Variants in PTPRE observed in about 807,000 individuals in gnomAD.
PTPRE encodes the protein protein tyrosine phosphatase receptor type E.
A neutral mutation model predicts 102.0 loss-of-function variants in PTPRE; 51 were observed. The ratio of observed to expected loss-of-function variants is 0.50; its 90% confidence interval spans 0.40 to 0.63. PTPRE has a LOEUF of 0.63. Ranked by LOEUF, PTPRE falls within the 30% of genes least tolerant of loss-of-function variation. The pLI, the probability that PTPRE is intolerant of heterozygous loss-of-function variation, is 0.00. For missense variants in PTPRE, 752 were observed against 915.1 expected, an observed-to-expected ratio of 0.82 and a Z score of 2.30; for synonymous variants, 345 against 348.2, an observed-to-expected ratio of 0.99 and a Z score of 0.10.
intron 2 of PTPRE, among the ~76,000 whole-genome samples, chr10:127,985,175 C>A (rs981193183): frequency 6.6e-6 from 1 of 152,244 alleles, no homozygotes; most frequent in Admixed American, 6.5e-5. Context: ...CCTAGTCACA[C>A]GTGCTGGATG....
At chr10:128,013,281 C>CTCCGAAGTCGT (rs1845160727) in intron 2 of PTPRE, among the ~76,000 whole-genome samples, 2 of 152,156 alleles carry the variant, frequency 1.3e-5, no homozygotes, top group African/African-American at 4.8e-5. Context: ...AGAGAGTGTT[C>CTCCGAAGTCGT]TCCGAAGTCG....
intron 2 of PTPRE, among the ~76,000 whole-genome samples, chr10:128,038,843 G>A (rs1324791413): frequency 1.3e-5 from 2 of 152,142 alleles, no homozygotes; most frequent in Non-Finnish European, 2.9e-5. Flanking sequence ...ACAGACCCGG[G>A]CTCCAGCTGG....
At chr10:127,951,726 A>G (rs1849041631) in intron 1 of PTPRE, among the ~76,000 whole-genome samples, 1 of 152,218 alleles carries the variant, frequency 6.6e-6, no homozygotes, top group Non-Finnish European at 1.5e-5. Flanking sequence ...TGCTATCTCT[A>G]CCTACAAAAA....
At chr10:127,975,880 G>A (rs939945272) in intron 1 of PTPRE, among the ~76,000 whole-genome samples, 6 of 152,146 alleles carry the variant, frequency 3.9e-5, no homozygotes, top group African/African-American at 9.7e-5. Flanking sequence ...CCAGTGTGGG[G>A]AGTCCTTGTG....
Position 128,072,130 on chromosome 10 carries a change from C to G in PTPRE, c.1388-8C>G. ...TTGTAATAACTAAAGGAAGATAATG[C>G]TTTGCAGATGACTTCAACCGAGTGA... is the stretch of plus-strand genomic sequence containing the variant. On this transcript the variant is annotated splice_region_variant and splice_polypyrimidine_tract_variant and intron_variant, in intron 15 of 20. Coordinates refer to ENST00000254667, the MANE Select transcript of PTPRE (RefSeq NM_006504.6). 6.2e-7 allele frequency: 1 copy of G among 1,612,536 alleles called. No homozygotes were observed. The highest frequency in any genetic ancestry group is 8.5e-7 in the Non-Finnish European group (1 of 1,178,954).
intron 2 of PTPRE, among the ~76,000 whole-genome samples, chr10:128,003,781 C>A (rs1045632111): frequency 6.6e-6 from 1 of 151,978 alleles, no homozygotes; most frequent in Non-Finnish European, 1.5e-5. Flanking sequence ...CACAATGGGG[C>A]CCGCAGACTG....
Position 127,908,209 on chromosome 10 carries a change from A to C in PTPRE, c.-31+900A>C, listed in dbSNP as rs993524745. 4.6e-5 allele frequency among the ~76,000 whole-genome samples: 7 copies of C among 152,336 alleles called. 1 individual carries two copies. The highest frequency in any genetic ancestry group is 3.4e-3 in the Middle Eastern group (1 of 294). ...TCCAGGAAACTCAAAGAAAGAATAC[A>C]GCTCTCTGCTTGTATTTTAGAGTGA... On this transcript the variant is annotated intron_variant, in intron 1 of 20. Transcript: ENST00000254667.
intron 1 of PTPRE, among the ~76,000 whole-genome samples, chr10:127,950,396 T>C (rs1229421914): frequency 6.6e-6 from 1 of 152,100 alleles, no homozygotes; most frequent in East Asian, 1.9e-4. Flanking sequence ...TGATCTCCTT[T>C]GGTTTACTTT....
intron 2 of PTPRE, among the ~76,000 whole-genome samples, chr10:128,005,084 T>C (rs1325614050): frequency 6.6e-6 from 1 of 152,208 alleles, no homozygotes; most frequent in Non-Finnish European, 1.5e-5. Context: ...TTTGGGTTTA[T>C]TTGTCTTTTT....
intron 2 of PTPRE, among the ~76,000 whole-genome samples, chr10:127,995,064 A>G (rs1853110256): frequency 6.6e-6 from 1 of 152,164 alleles, no homozygotes; most frequent in African/African-American, 2.4e-5. Flanking sequence ...CACCAAAAAA[A>G]GTAAATCTGA....
At chr10:128,025,684 C>A (rs1005385442) in intron 2 of PTPRE, among the ~76,000 whole-genome samples, 2 of 152,156 alleles carry the variant, frequency 1.3e-5, no homozygotes, top group African/African-American at 2.4e-5. Flanking sequence ...GGCCTCCCTG[C>A]CTGCACTGGA....
At position 128,000,837 on chromosome 10, in the gene PTPRE, C is replaced by T. The variant is rs138458973; in HGVS notation, c.-8+18541C>T. ...ACTGTAAGAATTCCACCAAGCCTCACTCACTTGGGCAACTGCCCAGAAGGG... is the reference window on the plus strand; with the variant it reads ...ACTGTAAGAATTCCACCAAGCCTCATTCACTTGGGCAACTGCCCAGAAGGG... On this transcript the variant is annotated intron_variant, in intron 2 of 20. Coordinates refer to ENST00000254667, the MANE Select transcript of PTPRE (RefSeq NM_006504.6). Among the ~76,000 whole-genome samples the T allele has an allele frequency of 7.2e-4, 110 of 152,218 alleles. 1 individual carries two copies. Among genetic ancestry groups the T allele is most frequent in the African/African-American group, 2.3e-3 (97 of 41,450 alleles).
intron 1 of PTPRE, among the ~76,000 whole-genome samples, chr10:127,930,257 C>G (rs1847331720): frequency 6.6e-6 from 1 of 152,046 alleles, no homozygotes; most frequent in Admixed American, 6.6e-5. Flanking sequence ...AAAAAAAAAT[C>G]TGTCATCATG....
At position 128,084,083 on chromosome 10, in the gene PTPRE, G is replaced by A. The variant is rs1851922633; in HGVS notation, c.*1177G>A. The stretch of plus-strand genomic sequence containing the variant: ...TATTTTTGAATGGAAATACTACTGA[G>A]ACCATTGACACTGGATAACAGTAAT... On this transcript the variant is annotated 3_prime_UTR_variant, in exon 21 of 21. Coordinates refer to ENST00000254667, the MANE Select transcript of PTPRE (RefSeq NM_006504.6). 1 of 150,342 alleles carries A rather than the reference G, an allele frequency of 6.7e-6. No individual in the cohort carries two copies. The allele number at this position is 150,342 out of a possible 1,614,324, so 9.3% of individuals were successfully genotyped here.
chr10:128,053,945 G>C (rs905356808), intron 6 of PTPRE, among the ~76,000 whole-genome samples: 4 of 151,960 alleles, frequency 2.6e-5, no homozygotes, highest in Non-Finnish European at 5.9e-5. Context: ...ATTTTTAGTA[G>C]AGACGGGGTT....
At chr10:127,955,137 A>G (rs1784619738) in intron 1 of PTPRE, among the ~76,000 whole-genome samples, 1 of 152,096 alleles carries the variant, frequency 6.6e-6, no homozygotes, top group Admixed American at 6.5e-5. Context: ...TCTTAGTACT[A>G]CCATACCCTG....
chr10:128,037,957 A>ATTTTTTTTTTTTTTT (rs34089996), intron 2 of PTPRE, among the ~76,000 whole-genome samples: 3 of 115,958 alleles, frequency 2.6e-5, no homozygotes, highest in Non-Finnish European at 3.5e-5. Context: ...TGTCCGGCTA[A>ATTTTTTTTTTTTTTT]TTTTTTTTTT....
chr10:128,037,330 C>T (rs914776946), intron 2 of PTPRE, among the ~76,000 whole-genome samples: 3 of 152,222 alleles, frequency 2.0e-5, no homozygotes, highest in Non-Finnish European at 2.9e-5. Flanking sequence ...CCTCGCCTTC[C>T]GTCCTGAATG....
chr10:127,910,317 A>G (rs1845781057), intron 1 of PTPRE, among the ~76,000 whole-genome samples: 1 of 152,070 alleles, frequency 6.6e-6, no homozygotes, highest in African/African-American at 2.4e-5. Context: ...TTTCCATCTT[A>G]GAAACTCCTA....
Sources: allele counts gnomAD v4.1 joint callset (sites outside exome capture counted in the v4.1 genomes callset), GRCh38; gene constraint gnomAD v4.1.1; transcripts MANE v1.5; gene names NCBI Gene and HGNC (gene_info 2026-07-23, HGNC 2026-07-21).